Variants in MIGA1 observed in about 807,000 individuals in gnomAD.
MIGA1 encodes the protein family with sequence similarity 73, member A.
Under a neutral mutation model 82.0 loss-of-function variants are expected in MIGA1, and 58 were observed. That is an observed-to-expected ratio of 0.71 (90% CI 0.57 to 0.88). The LOEUF is 0.88. Ranked by LOEUF, MIGA1 falls within the 40% of genes least tolerant of loss-of-function variation. The probability of loss-of-function intolerance (pLI) is 0.00; values close to 1 mark genes in which losing one functional copy is unlikely to be tolerated. For synonymous variants in MIGA1, 249 were observed against 253.6 expected (o/e 0.98, Z 0.17); for missense variants, 751 against 749.1 (o/e 1.00, Z -0.03).
chr1:77,799,091 T>A (rs1390857137), intron 2 of MIGA1, among the ~76,000 whole-genome samples: 1 of 152,186 alleles, frequency 6.6e-6, no homozygotes, highest in African/African-American at 2.4e-5. Flanking sequence ...AATATATTGA[T>A]GGATTTTATT....
At chr1:77,822,406 G>T (rs765893253) in intron 7 of MIGA1, among the ~76,000 whole-genome samples, 1 of 152,104 alleles carries the variant, frequency 6.6e-6, no homozygotes, top group Non-Finnish European at 1.5e-5. Context: ...AGCCTGGGTG[G>T]CAGAGTGAGA....
intron 7 of MIGA1, among the ~76,000 whole-genome samples, chr1:77,825,253 G>A (rs1312253951): frequency 1.3e-5 from 2 of 152,084 alleles, no homozygotes; most frequent in African/African-American, 2.4e-5. Context: ...TGATCTGCCC[G>A]CCTCAGCCTC....
chr1:77,789,096 T>C (rs978810469), intron 2 of MIGA1, among the ~76,000 whole-genome samples: 1 of 151,122 alleles, frequency 6.6e-6, no homozygotes, highest in African/African-American at 2.4e-5. Flanking sequence ...GCAACGTGTA[T>C]ATATATATAT....
intron 8 of MIGA1, among the ~76,000 whole-genome samples, chr1:77,844,113 AATATAT>A (rs869208869): frequency 1.0e-4 from 9 of 90,156 alleles, no homozygotes; most frequent in African/African-American, 1.8e-4. Context: ...AAAAAAAAAA[AATATAT>A]ATATATATAT....
intron 7 of MIGA1, among the ~76,000 whole-genome samples, chr1:77,835,792 A>G (rs1684401396): frequency 6.6e-6 from 1 of 152,032 alleles, no homozygotes; most frequent in South Asian, 2.1e-4. Context: ...TACTGAAAAT[A>G]CAGAAATTAG....
chr1:77,822,686 C>T (rs1200611464), intron 7 of MIGA1, among the ~76,000 whole-genome samples: 1 of 151,764 alleles, frequency 6.6e-6, no homozygotes. Flanking sequence ...TTTAGAAGAG[C>T]CTTAGCAAAA....
At chr1:77,780,226 G>A in intron 1 of MIGA1, 1 of 973,160 alleles carries the variant, frequency 1.0e-6, no homozygotes, top group African/African-American at 1.8e-5. Context: ...GGTTCGGCTT[G>A]GATGCGGGTG....
chr1:77,855,297 C>G (rs762766440), intron 8 of MIGA1, among the ~76,000 whole-genome samples: 4 of 152,184 alleles, frequency 2.6e-5, no homozygotes, highest in Non-Finnish European at 5.9e-5. Flanking sequence ...ATGATTGTGG[C>G]CTTATAGTAT....
chr1:77,874,784 G>T, intron 15 of MIGA1, 62 bp from the exon 16 acceptor site: 1 of 1,158,144 alleles, frequency 8.6e-7, no homozygotes, highest in Non-Finnish European at 1.3e-6. Context: ...TATAATATTA[G>T]AAGCTTTCTC....
At chr1:77,811,724 C>T (rs1208021004) in intron 5 of MIGA1, 25 of 1,611,420 alleles carry the variant, frequency 1.6e-5, no homozygotes, top group African/African-American at 4.0e-5. Flanking sequence ...TCGAAGTCGG[C>T]GCCTCTCCTA....
intron 8 of MIGA1, among the ~76,000 whole-genome samples, chr1:77,855,255 G>A (rs924592618): frequency 3.3e-5 from 5 of 152,082 alleles, no homozygotes; most frequent in Admixed American, 6.6e-5. Flanking sequence ...TGGTCTATGT[G>A]CCCATTTTTA....
At chr1:77,785,071 A>C (rs1008620211) in intron 2 of MIGA1, among the ~76,000 whole-genome samples, 1 of 152,100 alleles carries the variant, frequency 6.6e-6, no homozygotes, top group Non-Finnish European at 1.5e-5. Flanking sequence ...TCATGTCCTC[A>C]CATTTCAGAA....
chr1:77,847,342 A>G, intron 8 of MIGA1: 1 of 952,888 alleles, frequency 1.0e-6, no homozygotes, highest in South Asian at 1.3e-5. Flanking sequence ...GACAGTATTT[A>G]TGATGAAATG....
chr1:77,811,491 G>T (rs1683326259), intron 5 of MIGA1: 2 of 1,549,008 alleles, frequency 1.3e-6, no homozygotes, highest in Non-Finnish European at 1.8e-6. Flanking sequence ...TATTCTTTAG[G>T]ATTGGTTCTA....
chr1:77,790,172 G>A lies in MIGA1; in HGVS notation c.195+6821G>A, dbSNP rs565058977. 1.4e-4 allele frequency among the ~76,000 whole-genome samples: 22 copies of A among 152,222 alleles called. 1 individual carries two copies. The highest frequency in any genetic ancestry group is 9.8e-4 in the Admixed American group (15 of 15,294). ...ATGTATGTATATAATTCTATGCCAAGCCATTTTATCATATGCATAGATTTA... is the reference window on the plus strand; with the variant it reads ...ATGTATGTATATAATTCTATGCCAAACCATTTTATCATATGCATAGATTTA... On this transcript the variant is annotated intron_variant, in intron 2 of 15. Coordinates refer to ENST00000370791, the MANE Select transcript of MIGA1 (RefSeq NM_198549.4).
At chr1:77,827,140 G>A (rs372055214) in intron 7 of MIGA1, among the ~76,000 whole-genome samples, 62 of 151,054 alleles carry the variant, frequency 4.1e-4, no homozygotes, top group African/African-American at 1.4e-3. Flanking sequence ...ATGGTGTTTT[G>A]CTCTGTGGCC....
rs1685562257 is a variant in MIGA1, at chr1:77,863,877, C to T, written c.1375-17C>T. The T allele has an allele frequency of 1.3e-6, 2 of 1,496,858 alleles. No homozygotes were observed. The highest frequency in any genetic ancestry group is 2.2e-5 in the Admixed American group (1 of 45,238). The allele number at this position is 1,496,858 out of a possible 1,614,324, so 92.7% of individuals were successfully genotyped here. ...TATGTAATAATAATTTCTGTTTCAACTCATAATTTAATGCAGGTGAAAAAT... is the reference window on the plus strand; with the variant it reads ...TATGTAATAATAATTTCTGTTTCAATTCATAATTTAATGCAGGTGAAAAAT... On this transcript the variant is annotated splice_polypyrimidine_tract_variant and intron_variant, in intron 12 of 15. Transcript: ENST00000370791.
rs1431245016 is a variant in MIGA1, at chr1:77,860,104, C to A, written c.1253C>A (p.Ala418Asp). The change falls in exon 11 of 16, where the codon GCT (alanine) becomes GAT (aspartate). Residue 418 changes from alanine (A) to aspartate (D), a missense_variant. By Grantham distance (126) the Ala-to-Asp change is moderately radical. Transcript: ENST00000370791. ...GAGAGCGGAAGGAAAATTTTATCAGCTTTAATTGTGAAAGCACGAAAGGTA... is the reference window on the plus strand; with the variant it reads ...GAGAGCGGAAGGAAAATTTTATCAGATTTAATTGTGAAAGCACGAAAGGTA... 1.2e-6 allele frequency: 2 copies of A among 1,610,514 alleles called. No individual in the cohort carries two copies. The highest frequency in any genetic ancestry group is 2.2e-5 in the East Asian group (1 of 44,782).
intron 7 of MIGA1, among the ~76,000 whole-genome samples, chr1:77,838,327 T>C (rs1202092423): frequency 7.1e-6 from 1 of 140,360 alleles, no homozygotes; most frequent in Non-Finnish European, 1.6e-5. Context: ...CCTTTTAGCT[T>C]ATTTATTTAT....
Sources: gnomAD v4.1 joint callset for allele counts (sites outside exome capture counted in the v4.1 genomes callset) on GRCh38, gnomAD v4.1.1 for gene constraint, MANE v1.5 for transcripts, NCBI Gene and HGNC (gene_info 2026-07-23, HGNC 2026-07-21) for gene names.